TSHZ1: variants seen among roughly 807,000 people sequenced by gnomAD.
TSHZ1 encodes the protein teashirt zinc finger homeobox 1, also known as teashirt homolog 1.
Under a neutral mutation model 67.1 loss-of-function variants are expected in TSHZ1, and 12 were observed. That is an observed-to-expected ratio of 0.18 (90% CI 0.11 to 0.29). The LOEUF (loss-of-function observed/expected upper bound fraction) is 0.29, where lower values mean the gene tolerates loss of function less well. Ranked by LOEUF, TSHZ1 falls within the 10% of genes least tolerant of loss-of-function variation. The pLI is 1.00. For synonymous variants in TSHZ1, 632 were observed against 622.4 expected, an observed-to-expected ratio of 1.02 and a Z score of -0.23; for missense variants, 1,305 against 1,413.9, an observed-to-expected ratio of 0.92 and a Z score of 1.23.
intron 1 of TSHZ1, among the ~76,000 whole-genome samples, chr18:75,217,082 A>AGGG (rs1481001470): frequency 1.3e-5 from 2 of 152,218 alleles, no homozygotes; most frequent in Admixed American, 6.5e-5. Flanking sequence ...AGGCCTGGGC[A>AGGG]GGGGTTTGCC....
At chr18:75,274,769 T>C (rs1568366152) in intron 1 of TSHZ1, among the ~76,000 whole-genome samples, 1 of 152,204 alleles carries the variant, frequency 6.6e-6, no homozygotes, top group Non-Finnish European at 1.5e-5. Flanking sequence ...AAAGCAATTA[T>C]GAGAATTCAC....
chr18:75,213,905 C>A (rs2022732141), intron 1 of TSHZ1, among the ~76,000 whole-genome samples: 1 of 152,122 alleles, frequency 6.6e-6, no homozygotes, highest in Admixed American at 6.5e-5. Flanking sequence ...ACTGAGTCAT[C>A]TGCTGTACAG....
intron 1 of TSHZ1, among the ~76,000 whole-genome samples, chr18:75,260,528 A>T (rs1462206860): frequency 2.6e-5 from 4 of 152,242 alleles, no homozygotes; most frequent in African/African-American, 9.6e-5. Flanking sequence ...TGTGTCTGTG[A>T]ACGAAGTCAT....
Position 75,286,877 on chromosome 18 carries a change from C to A in TSHZ1, c.1470C>A (p.Pro490=), listed in dbSNP as rs754079214. The A allele has an allele frequency of 1.2e-6, 2 of 1,614,184 alleles. No individual in the cohort carries two copies. The highest frequency in any genetic ancestry group is 8.5e-7 in the Non-Finnish European group (1 of 1,180,048). Residue 490 remains proline (P), a synonymous_variant, in exon 2 of 2, where the codon CCC becomes CCA. Transcript: ENST00000580243. This position sits in a 1 kb window ranked among gnomAD's most constrained non-coding sequence, Gnocchi z 5.1. ...GCATCAAAAAGCAGCCCGACTCTCCCGCGGGGTCCACGACTTCTGAAGAAA... is the reference window on the plus strand; with the variant it reads ...GCATCAAAAAGCAGCCCGACTCTCCAGCGGGGTCCACGACTTCTGAAGAAA... ...ASSIKKQPDS[P]AGSTTSEEKK... is the part of the protein sequence containing the mutation.
chr18:75,237,199 T>A (rs567723621), intron 1 of TSHZ1, among the ~76,000 whole-genome samples: 1 of 152,326 alleles, frequency 6.6e-6, no homozygotes, highest in South Asian at 2.1e-4. Context: ...TGTGAATCTT[T>A]CTGTTGCTGT....
At chr18:75,237,986 A>G (rs1323052304) in intron 1 of TSHZ1, among the ~76,000 whole-genome samples, 1 of 151,866 alleles carries the variant, frequency 6.6e-6, no homozygotes, top group African/African-American at 2.4e-5. Context: ...CTAATTTTGT[A>G]TTTTTAGTAG....
At position 75,288,543 on chromosome 18, in the gene TSHZ1, T is replaced by G. The variant is rs777461924; in HGVS notation, c.3136T>G (p.Phe1046Val). The change falls in exon 2 of 2, where the codon TTT becomes GTT. Residue 1046 changes from phenylalanine to valine, a missense_variant. Phe to Val is a conservative substitution (Grantham distance 50). Coordinates refer to ENST00000580243, the MANE Select transcript of TSHZ1 (RefSeq NM_001308210.2). This position sits in a 1 kb window ranked among gnomAD's most constrained non-coding sequence, Gnocchi z 4.9. ...TFQCKLCNRTFASKHAVKLHL... is the reference protein window; with the variant it reads ...TFQCKLCNRTVASKHAVKLHL... The stretch of plus-strand genomic sequence containing the variant: ...CCAATGTAAGCTCTGCAACCGGACT[T>G]TTGCGAGCAAGCACGCAGTCAAACT... 3 of 1,614,202 alleles carry G rather than the reference T, an allele frequency of 1.9e-6. No homozygotes were observed. In the East Asian group the frequency reaches 6.7e-5, roughly 36 times the overall value.
rs759728503 is a variant in TSHZ1, at chr18:75,287,113, G to C, written c.1706G>C (p.Gly569Ala). 3.8e-5 allele frequency: 61 copies of C among 1,614,012 alleles called. No homozygotes were observed. The highest frequency in any genetic ancestry group is 5.0e-5 in the Non-Finnish European group (59 of 1,180,032). The stretch of plus-strand genomic sequence containing the variant: ...ACGGCCATTAGCAAAGCTCAGAATG[G>C]TGCGCCCTCATGGGGTGGCTACCCC... ...VSTAISKAQN[G>A]APSWGGYPSI... is the part of the protein sequence containing the mutation. The change falls in exon 2 of 2, where the codon GGT (glycine) becomes GCT (alanine). Residue 569 changes from glycine (G) to alanine (A), a missense_variant. Around this residue, in one of 3 missense-constraint regions of TSHZ1, gnomAD observed 909 missense variants for 961.8 expected, o/e 0.95. Transcript: ENST00000580243. This position sits in a 1 kb window ranked among gnomAD's most constrained non-coding sequence, Gnocchi z 5.0.
At chr18:75,255,518 C>T (rs2023352430) in intron 1 of TSHZ1, among the ~76,000 whole-genome samples, 1 of 135,958 alleles carries the variant, frequency 7.4e-6, no homozygotes, top group African/African-American at 2.7e-5. Context: ...CCAATTGTCG[C>T]ATTAAAAACT....
At chr18:75,266,333 G>A (rs2085455838) in intron 1 of TSHZ1, among the ~76,000 whole-genome samples, 1 of 152,174 alleles carries the variant, frequency 6.6e-6, no homozygotes, top group South Asian at 2.1e-4. Flanking sequence ...ATTGATCATA[G>A]GTTGTAGATA....
intron 1 of TSHZ1, among the ~76,000 whole-genome samples, chr18:75,236,075 G>A (rs536474092): frequency 7.9e-5 from 12 of 152,284 alleles, no homozygotes; most frequent in Admixed American, 2.0e-4. Flanking sequence ...GGAAGCTTGC[G>A]TGATAGGAAG....
At chr18:75,223,799 A>G (rs1350747282) in intron 1 of TSHZ1, among the ~76,000 whole-genome samples, 5 of 152,160 alleles carry the variant, frequency 3.3e-5, no homozygotes, top group Admixed American at 2.0e-4. Flanking sequence ...GAGAGAAGCA[A>G]TGGGCATTAG....
rs200359947 is a variant in TSHZ1 at position 75,287,649 on chromosome 18, G to A, written c.2242G>A (p.Ala748Thr). Residue 748 changes from alanine (A) to threonine (T), a missense_variant, in exon 2 of 2, where the codon GCT (alanine) becomes ACT (threonine). Transcript: ENST00000580243. This position sits in a 1 kb window ranked among gnomAD's most constrained non-coding sequence, Gnocchi z 5.0. ...GCCTTCCTTCATCAACCCGCTGAGC[G>A]CTTTGCAGTCCATCATGAACACCCA... ...PEPSFINPLS[A>T]LQSIMNTHLG... 2.4e-5 allele frequency: 38 copies of A among 1,614,038 alleles called. No individual in the cohort carries two copies. Among genetic ancestry groups the A allele is most frequent in the East Asian group, 6.7e-5 (3 of 44,884 alleles).
chr18:75,247,704 A>G (rs1239228736), intron 1 of TSHZ1, among the ~76,000 whole-genome samples: 1 of 152,194 alleles, frequency 6.6e-6, no homozygotes, highest in African/African-American at 2.4e-5. Context: ...ATTAGAAGGG[A>G]GAGACGGAGG....
chr18:75,244,349 C>G (rs140284250), intron 1 of TSHZ1, among the ~76,000 whole-genome samples: 3 of 152,054 alleles, frequency 2.0e-5, no homozygotes, highest in Non-Finnish European at 4.4e-5. Context: ...TTCATTCTTG[C>G]AACAACCATT....
At chr18:75,238,041 T>G (rs192567970) in intron 1 of TSHZ1, among the ~76,000 whole-genome samples, 186 of 152,254 alleles carry the variant, frequency 1.2e-3, no homozygotes, top group African/African-American at 4.2e-3. Context: ...CCTCAGGTGA[T>G]CCGCCCACCT....
At chr18:75,248,318 G>A (rs549867378) in intron 1 of TSHZ1, among the ~76,000 whole-genome samples, 1 of 152,328 alleles carries the variant, frequency 6.6e-6, no homozygotes, top group South Asian at 2.1e-4. Context: ...TTTCCCTTCA[G>A]AAATATCATA....
rs1246595836 is a variant in TSHZ1 at position 75,280,557 on chromosome 18, A to G, written c.41-4891A>G. 1.3e-5 allele frequency among the ~76,000 whole-genome samples: 2 copies of G among 152,226 alleles called. 1 individual carries two copies. The highest frequency in any genetic ancestry group is 2.9e-5 in the Non-Finnish European group (2 of 68,030). On this transcript the variant is annotated intron_variant, in intron 1 of 1. Coordinates refer to ENST00000580243, the MANE Select transcript of TSHZ1 (RefSeq NM_001308210.2). Reference sequence around the variant, plus strand: ...ATCCCGATAGTGGCAAAGGGGAAAGACCAGGGCTGGGAGTCAGTGACTCGC... The same window carrying G: ...ATCCCGATAGTGGCAAAGGGGAAAGGCCAGGGCTGGGAGTCAGTGACTCGC...
intron 1 of TSHZ1, among the ~76,000 whole-genome samples, chr18:75,253,470 A>G (rs554735113): frequency 1.1e-4 from 17 of 152,384 alleles, no homozygotes; most frequent in African/African-American, 2.9e-4. Context: ...TAAATAATCA[A>G]TGGTTAAAAT....
Sources: gnomAD v4.1 joint callset for allele counts (sites outside exome capture counted in the v4.1 genomes callset) on GRCh38, gnomAD v4.1.1 for gene constraint, gnomAD v4.1.1 regional missense constraint, Gnocchi (gnomAD v3.1) non-coding constraint, MANE v1.5 for transcripts, NCBI Gene and HGNC (gene_info 2026-07-23, HGNC 2026-07-21) for gene names.